Variants in DCDC1 observed in about 807,000 individuals in gnomAD.
DCDC1 encodes the protein doublecortin domain containing 1.
A neutral mutation model predicts 178.3 loss-of-function variants in DCDC1; 200 were observed. The observed-to-expected ratio is 1.12, with a 90% CI of 1.00 to 1.26. DCDC1 has a LOEUF of 1.26. DCDC1 is among the 50% of genes most tolerant of loss of function. The pLI is 0.00. For synonymous variants in DCDC1, 690 were observed against 604.8 expected, an observed-to-expected ratio of 1.14 and a Z score of -2.07; for missense variants, 1,983 against 1,749.2, an observed-to-expected ratio of 1.13 and a Z score of -2.38.
intron 20 of DCDC1, among the ~76,000 whole-genome samples, chr11:30,972,392 A>T (rs1949852446): frequency 6.6e-6 from 1 of 152,200 alleles, no homozygotes; most frequent in South Asian, 2.1e-4. Context: ...AATGAAGGAG[A>T]AATAAAGTCT....
chr11:31,299,480 C>T (rs192922003), intron 6 of DCDC1, among the ~76,000 whole-genome samples: 4 of 152,146 alleles, frequency 2.6e-5, no homozygotes, highest in African/African-American at 4.8e-5. Context: ...ACTTTTGGAA[C>T]GGAGCAGACT....
intron 38 of DCDC1, among the ~76,000 whole-genome samples, chr11:30,878,329 T>C (rs1323787912): frequency 6.6e-6 from 1 of 151,992 alleles, no homozygotes; most frequent in Non-Finnish European, 1.5e-5. Context: ...GGTGCATGAC[T>C]GTAGTCCCAT....
chr11:31,256,936 A>AT (rs1444103241), intron 8 of DCDC1, among the ~76,000 whole-genome samples: 1 of 152,136 alleles, frequency 6.6e-6, no homozygotes, highest in Non-Finnish European at 1.5e-5. Context: ...CTAGCTGATC[A>AT]TGCCTTCCTT....
chr11:31,252,685 C>A (rs1591546499), intron 8 of DCDC1, among the ~76,000 whole-genome samples: 1 of 151,918 alleles, frequency 6.6e-6, no homozygotes, highest in East Asian at 1.9e-4. Flanking sequence ...GTTGAAGAGG[C>A]TAGGGATATT....
chr11:31,211,793 A>T (rs1209055329), intron 9 of DCDC1, among the ~76,000 whole-genome samples: 5 of 152,172 alleles, frequency 3.3e-5, no homozygotes, highest in Non-Finnish European at 7.3e-5. Context: ...TTTAAAAAAA[A>T]GCTAAGCAGC....
At chr11:31,154,743 C>T (rs1217527664) in intron 9 of DCDC1, among the ~76,000 whole-genome samples, 2 of 152,166 alleles carry the variant, frequency 1.3e-5, no homozygotes, top group African/African-American at 4.8e-5. Context: ...CTGAAGCCAT[C>T]TTCATCATGC....
At position 31,065,047 on chromosome 11, in the gene DCDC1, T is replaced by C. The variant is rs1317992855; in HGVS notation, c.2405A>G (p.Gln802Arg). ...TTCTGCTAAGTTTCTGCCATGTTCC[T>C]GATGAGCTGTGGTCCAGGCACCATG... Reference protein sequence around the residue: ...IHHGAWTTAHQEHGRNLAEEV... With the variant: ...IHHGAWTTAHREHGRNLAEEV... Residue 802 changes from glutamine to arginine, a missense_variant, in exon 19 of 39, where the codon CAG becomes CGG. Gln to Arg is a conservative substitution (Grantham distance 43). Coordinates refer to ENST00000684477, the MANE Select transcript of DCDC1 (RefSeq NM_001387274.1). 2 of 764,056 alleles carry C rather than the reference T, an allele frequency of 2.6e-6. No homozygotes were observed. The highest frequency in any genetic ancestry group is 3.4e-5 in the Admixed American group (2 of 58,316). 47.3% of individuals were successfully genotyped at this position (764,056 alleles called of 1,614,324 possible).
chr11:31,269,817 A>C (rs1280699249), intron 7 of DCDC1, among the ~76,000 whole-genome samples: 2 of 152,262 alleles, frequency 1.3e-5, no homozygotes, highest in East Asian at 3.9e-4. Context: ...AGTTTAATCT[A>C]CTTGTTTACA....
At chr11:30,909,216 A>G in intron 28 of DCDC1, 100 bp from the exon 29 acceptor site, 1 of 1,006,278 alleles carries the variant, frequency 9.9e-7, no homozygotes, top group Non-Finnish European at 1.4e-6. Context: ...ATAATTACTC[A>G]TAATCCCACC....
intron 9 of DCDC1, among the ~76,000 whole-genome samples, chr11:31,218,267 T>C (rs771568374): frequency 2.0e-5 from 3 of 152,124 alleles, no homozygotes; most frequent in Non-Finnish European, 2.9e-5. Context: ...CTAATGCAAT[T>C]GATAATACAC....
chr11:31,018,188 T>C (rs1216045020), intron 20 of DCDC1, among the ~76,000 whole-genome samples: 2 of 152,232 alleles, frequency 1.3e-5, no homozygotes, highest in African/African-American at 4.8e-5. Context: ...AAGAATTTAG[T>C]TAATATTAGG....
At chr11:31,250,482 T>C (rs1244249744) in intron 8 of DCDC1, among the ~76,000 whole-genome samples, 1 of 140,954 alleles carries the variant, frequency 7.1e-6, no homozygotes, top group African/African-American at 2.7e-5. Context: ...ACAGTTTATA[T>C]CATTTTGAGT....
intron 9 of DCDC1, among the ~76,000 whole-genome samples, chr11:31,223,395 T>G (rs1974516745): frequency 6.6e-6 from 1 of 152,132 alleles, no homozygotes; most frequent in African/African-American, 2.4e-5. Context: ...AAATTGCTGG[T>G]GAAAGTGTTA....
At chr11:30,902,907 A>G (rs1944795254) in intron 32 of DCDC1, among the ~76,000 whole-genome samples, 1 of 152,172 alleles carries the variant, frequency 6.6e-6, no homozygotes, top group Non-Finnish European at 1.5e-5. Context: ...GTCTAATAAG[A>G]CACACAGCTA....
At chr11:31,182,638 G>A (rs1030911525) in intron 9 of DCDC1, among the ~76,000 whole-genome samples, 1 of 152,102 alleles carries the variant, frequency 6.6e-6, no homozygotes, top group African/African-American at 2.4e-5. Flanking sequence ...ACCAGCCACT[G>A]CAAAAACATA....
chr11:31,361,836 A>G (rs1284071118), intron 1 of DCDC1, among the ~76,000 whole-genome samples: 1 of 152,160 alleles, frequency 6.6e-6, no homozygotes, highest in Admixed American at 6.5e-5. Flanking sequence ...TAGTTTCTGG[A>G]CCAGCATTTG....
intron 15 of DCDC1, among the ~76,000 whole-genome samples, chr11:31,096,655 C>A (rs944030963): frequency 5.9e-5 from 9 of 151,312 alleles, no homozygotes. Flanking sequence ...CTACATAGAA[C>A]AGACACAGCA....
intron 20 of DCDC1, among the ~76,000 whole-genome samples, chr11:31,032,442 T>C (rs1334259452): frequency 6.6e-6 from 1 of 152,108 alleles, no homozygotes; most frequent in Non-Finnish European, 1.5e-5. Flanking sequence ...AGAAGCCATA[T>C]GCATAATCGA....
intron 1 of DCDC1, among the ~76,000 whole-genome samples, chr11:31,338,150 T>TG (rs1950363671): frequency 6.6e-6 from 1 of 152,196 alleles, no homozygotes; most frequent in African/African-American, 2.4e-5. Context: ...ATTGCTCCAT[T>TG]GCTAGAGAAA....
Sources: gnomAD v4.1 joint callset for allele counts (sites outside exome capture counted in the v4.1 genomes callset) on GRCh38, gnomAD v4.1.1 for gene constraint, MANE v1.5 for transcripts, NCBI Gene and HGNC (gene_info 2026-07-23, HGNC 2026-07-21) for gene names.